Variants in PRKCD observed in about 807,000 individuals in gnomAD.
PRKCD encodes the protein protein kinase C delta.
PRKCD carries 20 observed loss-of-function variants against 82.2 expected under a neutral mutation model. The ratio of observed to expected loss-of-function variants is 0.24; its 90% CI spans 0.17 to 0.35. The LOEUF (loss-of-function observed/expected upper bound fraction) is 0.35, where lower values mean the gene tolerates loss of function less well. PRKCD is among the 10% of genes least tolerant of loss of function. PRKCD has a pLI of 1.00. For missense variants in PRKCD, 607 were observed against 899.0 expected, an observed-to-expected ratio of 0.68 and a Z score of 4.15; for synonymous variants, 317 against 337.0, an observed-to-expected ratio of 0.94 and a Z score of 0.65.
chr3:53,168,054 C>T (rs1387856366), intron 2 of PRKCD, among the ~76,000 whole-genome samples: 1 of 152,260 alleles, frequency 6.6e-6, no homozygotes, highest in Non-Finnish European at 1.5e-5. Context: ...CCTGCTGCCC[C>T]CTCAGGGCTC....
At chr3:53,190,103 A>G (rs782463028) in intron 18 of PRKCD, 102 bp downstream of exon 18, 9 of 1,502,074 alleles carry the variant, frequency 6.0e-6, no homozygotes, top group Non-Finnish European at 8.2e-6. Context: ...CCCTTCTTCC[A>G]GCAATCTCCA....
In PRKCD at chr3:53,178,976, G is replaced by C. The variant is rs72955730; in HGVS notation, c.115+439G>C. On this transcript the variant is annotated intron_variant, in intron 3 of 18. Coordinates refer to ENST00000330452, the MANE Select transcript of PRKCD (RefSeq NM_006254.4). The stretch of plus-strand genomic sequence containing the variant: ...CACCCTCTGAACCTGAGGTCAGGGA[G>C]GACTTCCTGGAGGAAGCACATACCT... Among the ~76,000 whole-genome samples, 1,079 of 152,310 alleles carry C rather than the reference G, an allele frequency of 7.1e-3. 18 individuals carry two copies. The highest frequency in any genetic ancestry group is 0.025 in the African/African-American group (1,038 of 41,560).
At chr3:53,185,287 C>A (rs1257167242) in intron 10 of PRKCD, among the ~76,000 whole-genome samples, 3 of 152,110 alleles carry the variant, frequency 2.0e-5, no homozygotes, top group Non-Finnish European at 4.4e-5. Flanking sequence ...GCCACAAAAC[C>A]TAAAGGTAAA....
rs1553670216 is a variant in PRKCD at position 53,189,203 on chromosome 3, A to T, written c.1700A>T (p.Tyr567Phe). 1 of 1,614,096 alleles carries T rather than the reference A, an allele frequency of 6.2e-7. No homozygotes were observed. Among genetic ancestry groups the T allele is most frequent in the Non-Finnish European group, 8.5e-7 (1 of 1,179,990 alleles). The change falls in exon 17 of 19, where the codon TAT becomes TTT. Residue 567 changes from tyrosine (Y) to phenylalanine (F), a missense_variant. Around this residue, in one of 5 missense-constraint regions of PRKCD, gnomAD observed 251 missense variants for 423.9 expected, o/e 0.59. Coordinates refer to ENST00000330452, the MANE Select transcript of PRKCD (RefSeq NM_006254.4). ...FESIRVDTPH[Y>F]PRWITKESKD... ...TCCATCCGTGTGGACACGCCACATT[A>T]TCCCCGCTGGATCACCAAGGAGTCC...
chr3:53,182,706 C>T (rs1407357086), intron 7 of PRKCD, among the ~76,000 whole-genome samples: 2 of 152,212 alleles, frequency 1.3e-5, no homozygotes, highest in African/African-American at 4.8e-5. Context: ...ATCATTATTA[C>T]ACATGCTTTG....
rs1703450708 is a variant in PRKCD at position 53,181,746 on chromosome 3, C to T, written c.571+14C>T. The T allele has an allele frequency of 1.9e-6, 3 of 1,614,206 alleles. No homozygotes were observed. In the African/African-American group the frequency reaches 4.0e-5, roughly 22 times the overall value. The stretch of plus-strand genomic sequence containing the variant: ...ACAAATGCAGGCGTAAGTGTCTCCA[C>T]AGGCCAGTTTGTACGTATGTACCCA... On this transcript the variant is annotated intron_variant, in intron 7 of 18. Coordinates refer to ENST00000330452, the MANE Select transcript of PRKCD (RefSeq NM_006254.4).
At chr3:53,186,394 C>G in intron 13 of PRKCD, 54 bp downstream of exon 13, 4 of 1,598,870 alleles carry the variant, frequency 2.5e-6, no homozygotes, top group Non-Finnish European at 3.4e-6. Context: ...TCCCACAGCT[C>G]CTCAGCCCCC....
At chr3:53,171,893 G>A (rs1553664998) in intron 2 of PRKCD, among the ~76,000 whole-genome samples, 2 of 152,134 alleles carry the variant, frequency 1.3e-5, no homozygotes, top group African/African-American at 2.4e-5. Context: ...GAGAGCCTAG[G>A]AGGTTCCCAG....
At position 53,178,485 on chromosome 3, in the gene PRKCD, C is replaced by T. The variant is rs369037399; in HGVS notation, c.63C>T (p.Asp21=). Residue 21 remains aspartate (D), a synonymous_variant, in exon 3 of 19, where the codon GAC becomes GAT. Coordinates refer to ENST00000330452, the MANE Select transcript of PRKCD (RefSeq NM_006254.4). ...AGCTGGGCTCCCTGCAGGCCGAGGA[C>T]GAGGCGAACCAGCCCTTCTGTGCCG... is the stretch of plus-strand genomic sequence containing the variant. ...SYELGSLQAE[D]EANQPFCAVK... 2.8e-5 allele frequency: 45 copies of T among 1,613,068 alleles called. No homozygotes were observed. The highest frequency in any genetic ancestry group is 6.7e-5 in the East Asian group (3 of 44,886).
At position 53,192,191 on chromosome 3, in the gene PRKCD, C is replaced by A; in HGVS notation, c.1956C>A (p.Ile652=). 6.2e-7 allele frequency: 1 copy of A among 1,614,094 alleles called. No homozygotes were observed. The highest frequency in any genetic ancestry group is 1.1e-5 in the South Asian group (1 of 91,082). ...TCTCCTACAGCGACAAGAACCTCAT[C>A]GACTCCATGGACCAGTCTGCATTCG... is the stretch of plus-strand genomic sequence containing the variant. ...ARLSYSDKNL[I]DSMDQSAFAG... Residue 652 remains isoleucine (I), a synonymous_variant, in exon 19 of 19, where the codon ATC becomes ATA. Coordinates refer to ENST00000330452, the MANE Select transcript of PRKCD (RefSeq NM_006254.4).
At chr3:53,177,902 A>G (rs1390502654) in intron 2 of PRKCD, among the ~76,000 whole-genome samples, 1 of 151,294 alleles carries the variant, frequency 6.6e-6, no homozygotes, top group African/African-American at 2.4e-5. Flanking sequence ...GACGCCGCAA[A>G]TCCAGACTTA....
At position 53,189,866 on chromosome 3, in the gene PRKCD, G is replaced by A. The variant is rs372537259; in HGVS notation, c.1744-7G>A. ...GGGTGCTAACCAGGGTCCCTGCTGG[G>A]TTGCAGCTCTTTGAAAGGGAACCAA... On this transcript the variant is annotated splice_polypyrimidine_tract_variant and splice_region_variant and intron_variant, in intron 17 of 18. Transcript: ENST00000330452. 23 of 1,614,018 alleles carry A rather than the reference G, an allele frequency of 1.4e-5. No homozygotes were observed. Among genetic ancestry groups the A allele is most frequent in the Non-Finnish European group, 1.8e-5 (21 of 1,180,012 alleles).
chr3:53,176,853 G>C (rs782327345), intron 2 of PRKCD, among the ~76,000 whole-genome samples: 1 of 150,682 alleles, frequency 6.6e-6, no homozygotes, highest in Non-Finnish European at 1.5e-5. Flanking sequence ...TTCTGAGGCA[G>C]AGTCTCGCTC....
At chr3:53,167,108 G>A (rs2107222402) in intron 2 of PRKCD, among the ~76,000 whole-genome samples, 1 of 152,340 alleles carries the variant, frequency 6.6e-6, no homozygotes, top group South Asian at 2.1e-4. Context: ...GGGCCTAGGA[G>A]AGAGGCCCAT....
At chr3:53,183,025 T>A in intron 7 of PRKCD, 96 bp from the exon 8 acceptor site, 1 of 1,259,196 alleles carries the variant, frequency 7.9e-7, no homozygotes, top group Non-Finnish European at 1.2e-6. Flanking sequence ...ACGGTGGCTT[T>A]GTGTAGAGGG....
chr3:53,161,954 G>T (rs1702678680), intron 1 of PRKCD, among the ~76,000 whole-genome samples: 1 of 147,522 alleles, frequency 6.8e-6, no homozygotes, highest in African/African-American at 2.5e-5. Flanking sequence ...CAGTCCAGCC[G>T]CCTCTCCGCT....
chr3:53,166,855 T>C (rs1361291687), intron 2 of PRKCD, among the ~76,000 whole-genome samples: 9 of 152,250 alleles, frequency 5.9e-5, no homozygotes, highest in African/African-American at 2.2e-4. Context: ...CGACCAGGGA[T>C]TGGCATGGGA....
chr3:53,187,334 G>A lies in PRKCD; in HGVS notation c.1353-6G>A. The A allele has an allele frequency of 1.2e-6, 2 of 1,614,128 alleles. No individual in the cohort carries two copies. Among genetic ancestry groups the A allele is most frequent in the Non-Finnish European group, 1.7e-6 (2 of 1,180,020 alleles). Reference sequence around the variant, plus strand: ...CCGGAACACTTTATCCCTCTCTCTTGCCCAGGTTTTATGCCGCTGAGATAA... The same window carrying A: ...CCGGAACACTTTATCCCTCTCTCTTACCCAGGTTTTATGCCGCTGAGATAA... On this transcript the variant is annotated splice_polypyrimidine_tract_variant and splice_region_variant and intron_variant, in intron 14 of 18. Coordinates refer to ENST00000330452, the MANE Select transcript of PRKCD (RefSeq NM_006254.4).
At chr3:53,182,974 C>G (rs78346230) in intron 7 of PRKCD, 147 bp from the exon 8 acceptor site, 7 of 757,898 alleles carry the variant, frequency 9.2e-6, no homozygotes, top group East Asian at 5.4e-5. Flanking sequence ...AAGACTCAAG[C>G]GCTGGGCCTC....
Sources: gnomAD v4.1 joint callset for allele counts (sites outside exome capture counted in the v4.1 genomes callset) on GRCh38, gnomAD v4.1.1 for gene constraint, gnomAD v4.1.1 regional missense constraint, MANE v1.5 for transcripts, NCBI Gene and HGNC (gene_info 2026-07-23, HGNC 2026-07-21) for gene names.